Variants in RHBDD1 observed in about 807,000 individuals in gnomAD.
RHBDD1 encodes the protein rhomboid-related protein 4.
Under a neutral mutation model 36.3 loss-of-function variants are expected in RHBDD1, and 38 were observed. The observed-to-expected ratio is 1.05, with a 90% CI of 0.81 to 1.37. RHBDD1 has a LOEUF of 1.37. RHBDD1 is among the 40% of genes most tolerant of loss of function. The pLI, the probability that RHBDD1 is intolerant of heterozygous loss-of-function variation, is 0.00. For synonymous variants in RHBDD1, 151 were observed against 136.5 expected, an observed-to-expected ratio of 1.11 and a Z score of -0.74; for missense variants, 393 against 377.6, an observed-to-expected ratio of 1.04 and a Z score of -0.34.
At chr2:226,802,259 A>G in the RHBDD1 span, among the ~76,000 whole-genome samples, 3 of 152,228 alleles carry the variant, frequency 2.0e-5, no homozygotes, top group South Asian at 6.2e-4. Flanking sequence ...TAAATATTCG[A>G]TAAAAATTAT....
the RHBDD1 span, among the ~76,000 whole-genome samples, chr2:226,816,703 CT>C: frequency 6.6e-6 from 1 of 152,174 alleles, no homozygotes; most frequent in Non-Finnish European, 1.5e-5. Flanking sequence ...TGAGACCGGC[CT>C]GACCAACATG....
the RHBDD1 span, among the ~76,000 whole-genome samples, chr2:226,816,018 G>A: frequency 6.6e-6 from 1 of 152,200 alleles, no homozygotes; most frequent in Admixed American, 6.5e-5. Flanking sequence ...CTGATAGCAT[G>A]TCTGTTAGTG....
chr2:226,887,039 G>GA (rs200149356), intron 5 of RHBDD1, among the ~76,000 whole-genome samples: 1 of 152,088 alleles, frequency 6.6e-6, no homozygotes, highest in African/African-American at 2.4e-5. Flanking sequence ...AAGAAAATTA[G>GA]AAAAAATACT....
intron 8 of RHBDD1, among the ~76,000 whole-genome samples, chr2:226,925,557 A>G (rs1040862032): frequency 1.3e-5 from 2 of 152,218 alleles, no homozygotes; most frequent in Non-Finnish European, 1.5e-5. Context: ...TTAGGAAAAA[A>G]AAATGAAAAC....
intron 8 of RHBDD1, among the ~76,000 whole-genome samples, chr2:226,930,978 G>C (rs565375081): frequency 2.0e-5 from 3 of 151,904 alleles, no homozygotes; most frequent in Non-Finnish European, 4.4e-5. Flanking sequence ...TTACTAAAAA[G>C]TCAAAAAGCA....
chr2:226,908,825 G>T lies in RHBDD1; in HGVS notation c.659G>T (p.Gly220Val), dbSNP rs777994282. ...LKKIMEACAG[G>V]FSSSVGYPGR... ...TGTTTATTTCTTTTACGTTTAGGCG[G>T]TTTTTCCTCCAGTGTTGGTTACCCA... The change falls in exon 7 of 9, where the codon GGT (glycine) becomes GTT (valine). Residue 220 changes from glycine to valine, a missense_variant. Transcript: ENST00000392062. The T allele has an allele frequency of 2.5e-6, 4 of 1,604,754 alleles. No individual in the cohort carries two copies. Among genetic ancestry groups the T allele is most frequent in the South Asian group, 1.1e-5 (1 of 90,848 alleles).
the RHBDD1 span, among the ~76,000 whole-genome samples, chr2:226,825,309 A>T: frequency 7.9e-3 from 1,207 of 152,334 alleles, 13 homozygotes; most frequent in South Asian, 0.043. Flanking sequence ...CAGATGTAAA[A>T]AAAAATTAAA....
chr2:226,981,507 C>T (rs1279520871), intron 8 of RHBDD1, among the ~76,000 whole-genome samples: 1 of 151,752 alleles, frequency 6.6e-6, no homozygotes, highest in Non-Finnish European at 1.5e-5. Flanking sequence ...CACACACAAG[C>T]ACACACTCAT....
chr2:226,837,228 A>G (rs972960628), intron 1 of RHBDD1, among the ~76,000 whole-genome samples: 7 of 152,210 alleles, frequency 4.6e-5, no homozygotes, highest in African/African-American at 1.4e-4. Context: ...TTAACACAAA[A>G]CACATAGAAA....
chr2:226,985,739 G>C (rs1031716905), intron 8 of RHBDD1, among the ~76,000 whole-genome samples: 2 of 152,196 alleles, frequency 1.3e-5, no homozygotes, highest in African/African-American at 4.8e-5. Flanking sequence ...CCACACCAAC[G>C]TTAGCAGACC....
intron 5 of RHBDD1, among the ~76,000 whole-genome samples, chr2:226,882,925 A>AGG: frequency 6.6e-6 from 1 of 152,290 alleles, no homozygotes; most frequent in East Asian, 1.9e-4. Flanking sequence ...GGAGAGAGAG[A>AGG]GAAAGCAAGT....
At chr2:226,853,202 C>T (rs939375279) in intron 3 of RHBDD1, among the ~76,000 whole-genome samples, 3 of 152,146 alleles carry the variant, frequency 2.0e-5, no homozygotes, top group African/African-American at 7.2e-5. Context: ...TCAGCTTATC[C>T]TCCAGGAAGC....
At chr2:226,881,888 G>A (rs563040346) in intron 5 of RHBDD1, among the ~76,000 whole-genome samples, 1 of 152,074 alleles carries the variant, frequency 6.6e-6, no homozygotes, top group African/African-American at 2.4e-5. Context: ...TGATTTTTCT[G>A]TTTGTGTCCT....
At chr2:226,959,016 G>A (rs1380514959) in intron 8 of RHBDD1, among the ~76,000 whole-genome samples, 1 of 152,038 alleles carries the variant, frequency 6.6e-6, no homozygotes, top group Non-Finnish European at 1.5e-5. Flanking sequence ...TATCTGACTG[G>A]TAATAGTTCT....
intron 5 of RHBDD1, among the ~76,000 whole-genome samples, chr2:226,875,618 T>C (rs906255713): frequency 7.9e-5 from 12 of 152,086 alleles, no homozygotes; most frequent in South Asian, 2.1e-4. Flanking sequence ...TTTGAGAAAT[T>C]AGGAGGCGCT....
chr2:226,812,572 C>G, the RHBDD1 span, among the ~76,000 whole-genome samples: 1 of 152,060 alleles, frequency 6.6e-6, no homozygotes, highest in Admixed American at 6.6e-5. Context: ...TCTATATGTC[C>G]CATTATGGAA....
At position 226,864,977 on chromosome 2, in the gene RHBDD1, T is replaced by C. The variant is rs781095623; in HGVS notation, c.284T>C (p.Leu95Pro). ...TCCATGCTCTGGAAAGGAATAAATC[T>C]AGAAAGAAGACTGGGAAGTAGATGG... Reference protein sequence around the residue: ...MASMLWKGINLERRLGSRWFA... With the variant: ...MASMLWKGINPERRLGSRWFA... The change falls in exon 4 of 9, where the codon CTA becomes CCA. Residue 95 changes from leucine to proline, a missense_variant. Transcript: ENST00000392062. 2.5e-6 allele frequency: 4 copies of C among 1,614,110 alleles called. No individual in the cohort carries two copies. The African/African-American group carries it at 4.0e-5, about 16-fold the overall frequency.
At position 226,914,257 on chromosome 2, in the gene RHBDD1, T is replaced by G; in HGVS notation, c.762T>G (p.Tyr254Ter). The change falls in exon 8 of 9, where the codon TAT (tyrosine) becomes TAG (stop). Residue 254 changes from tyrosine to a stop codon, truncating the protein, a stop_gained. Coordinates refer to ENST00000392062, the MANE Select transcript of RHBDD1 (RefSeq NM_001167608.3). LOFTEE classifies it high-confidence loss of function. Reference sequence around the variant, plus strand: ...ATCCGCATGGCAGGCCAGATCACTATGAAGAAGCACCCAGGAACTATGACA... The same window carrying G: ...ATCCGCATGGCAGGCCAGATCACTAGGAAGAAGCACCCAGGAACTATGACA... ...DYYPHGRPDH[Y>*]EEAPRNYDTY... is the part of the protein sequence containing the mutation. 1 of 1,613,878 alleles carries G rather than the reference T, an allele frequency of 6.2e-7. No homozygotes were observed. Among genetic ancestry groups the G allele is most frequent in the Non-Finnish European group, 8.5e-7 (1 of 1,179,818 alleles).
intron 8 of RHBDD1, among the ~76,000 whole-genome samples, chr2:226,986,382 G>A (rs938432221): frequency 1.3e-5 from 2 of 151,690 alleles, no homozygotes; most frequent in African/African-American, 4.9e-5. Flanking sequence ...CAAATGTACT[G>A]TAAGATGTTA....
Sources: allele counts gnomAD v4.1 joint callset (sites outside exome capture counted in the v4.1 genomes callset), GRCh38; gene constraint gnomAD v4.1.1; transcripts MANE v1.5; gene names NCBI Gene and HGNC (gene_info 2026-07-23, HGNC 2026-07-21).